Variants in RO60 observed in about 807,000 individuals in gnomAD.
RO60 encodes the protein RNA-binding protein RO60.
A neutral mutation model predicts 55.3 loss-of-function variants in RO60; 20 were observed. That is an observed-to-expected ratio of 0.36 (90% CI 0.25 to 0.53). RO60 has a LOEUF of 0.53. Among genes scored for constraint, RO60 ranks in the 20% least tolerant of loss-of-function variants. The pLI is 0.92. For missense variants in RO60, 558 were observed against 646.6 expected (o/e 0.86, Z 1.49); for synonymous variants, 213 against 213.6 (o/e 1.00, Z 0.02).
chr1:193,085,172 T>G lies in RO60; in HGVS notation c.*441T>G. On this transcript the variant is annotated 3_prime_UTR_variant, in exon 9 of 9. Transcript: ENST00000400968. ...TGAAATGCACTAGACCATATAACTG[T>G]GATGAAATATGAAACTCATCTGTAA... is the stretch of plus-strand genomic sequence containing the variant. 2 of 1,238,138 alleles carry G rather than the reference T, an allele frequency of 1.6e-6. No homozygotes were observed. Among genetic ancestry groups the G allele is most frequent in the Non-Finnish European group, 2.0e-6 (2 of 987,172 alleles). 76.7% of individuals were successfully genotyped at this position (1,238,138 alleles called of 1,614,324 possible).
intron 2 of RO60, chr1:193,070,542 T>G (rs1004313616): frequency 4.6e-6 from 2 of 431,144 alleles, no homozygotes; most frequent in African/African-American, 2.1e-5. Context: ...TTTTTTTTTT[T>G]TGCACCGGAA....
At position 193,084,785 on chromosome 1, in the gene RO60, A is replaced by G; in HGVS notation, c.*54A>G. The G allele has an allele frequency of 6.3e-7, 1 of 1,580,302 alleles. No homozygotes were observed. The highest frequency in any genetic ancestry group is 1.4e-5 in the African/African-American group (1 of 73,902). ...CATTGCCATCAGTGATCTCACTAAA[A>G]ATATACAGCTACTTCCCAGCTAATC... On this transcript the variant is annotated 3_prime_UTR_variant, in exon 9 of 9. Coordinates refer to ENST00000400968, the MANE Select transcript of RO60 (RefSeq NM_001173524.2).
Position 193,069,491 on chromosome 1 carries a change from G to A in RO60, c.437G>A (p.Arg146His), listed in dbSNP as rs1187516657. 1.2e-6 allele frequency: 2 copies of A among 1,614,158 alleles called. No homozygotes were observed. The highest frequency in any genetic ancestry group is 2.2e-5 in the East Asian group (1 of 44,880). ...KESMKCGMWG[R>H]ALRKAIADWY... ...AGCATGAAATGTGGCATGTGGGGTC[G>A]TGCCCTCCGGAAGGCTATAGCGGAC... The change falls in exon 2 of 9, where the codon CGT (arginine) becomes CAT (histidine). Residue 146 changes from arginine to histidine, a missense_variant. Coordinates refer to ENST00000400968, the MANE Select transcript of RO60 (RefSeq NM_001173524.2).
In RO60 at chr1:193,082,661, T is replaced by C. The variant is rs1303135733; in HGVS notation, c.1417T>C (p.Phe473Leu). The change falls in exon 8 of 9, where the codon TTT (phenylalanine) becomes CTT (leucine). Residue 473 changes from phenylalanine to leucine, a missense_variant. Transcript: ENST00000400968. ...CATTGTATTCACTGATAATGAGACC[T>C]TTGCTGGAGGTGTCCATCCTGCTAT... ...VFIVFTDNET[F>L]AGGVHPAIAL... 4 of 1,613,866 alleles carry C rather than the reference T, an allele frequency of 2.5e-6. No individual in the cohort carries two copies. The Admixed American group carries it at 5.0e-5, about 20-fold the overall frequency.
rs549404223 is a variant in RO60 at position 193,084,866 on chromosome 1, G to GA, written c.*147dup. On this transcript the variant is annotated 3_prime_UTR_variant, in exon 9 of 9. Coordinates refer to ENST00000400968, the MANE Select transcript of RO60 (RefSeq NM_001173524.2). ...GTGCATAATGGAAAGTTACCTTACT[G>GA]AAAAAAAAAAAAGAAGGAAAAATAA... 41,169 of 877,468 alleles carry GA rather than the reference G, an allele frequency of 0.047. No homozygotes were observed. Among genetic ancestry groups the GA allele is most frequent in the South Asian group, 0.072 (3,384 of 46,872 alleles). The allele number at this position is 877,468 out of a possible 1,614,324, so 54.4% of individuals were successfully genotyped here. A position where few individuals can be genotyped will look rare whatever the true frequency, so the allele number is the denominator to read the frequency against.
At chr1:193,064,086 C>T (rs1214267268) in intron 1 of RO60, among the ~76,000 whole-genome samples, 25 of 151,946 alleles carry the variant, frequency 1.6e-4, no homozygotes, top group Non-Finnish European at 5.9e-5. Flanking sequence ...AACTTCCATG[C>T]CCATCCTTGT....
At chr1:193,064,902 G>A (rs1210760881) in intron 1 of RO60, among the ~76,000 whole-genome samples, 1 of 152,118 alleles carries the variant, frequency 6.6e-6, no homozygotes, top group African/African-American at 2.4e-5. Context: ...AGAAGTACCT[G>A]AATACCTAAT....
intron 7 of RO60, 97 bp downstream of exon 7, chr1:193,082,396 C>A: frequency 7.4e-7 from 1 of 1,347,120 alleles, no homozygotes; most frequent in Non-Finnish European, 1.0e-6. Context: ...TCTGTGAGAA[C>A]AAAATTTTTT....
intron 2 of RO60, 91 bp from the exon 3 acceptor site, chr1:193,075,729 A>G: frequency 1.1e-6 from 1 of 927,708 alleles, no homozygotes; most frequent in Non-Finnish European, 1.7e-6. Flanking sequence ...GTATCCAGTT[A>G]TGTTGATCAT....
chr1:193,084,530 A>G (rs774196940), intron 8 of RO60, 49 bp from the exon 9 acceptor site: 2 of 1,541,908 alleles, frequency 1.3e-6, no homozygotes, highest in Non-Finnish European at 1.8e-6. Context: ...GGTATTTTGC[A>G]TTTCCTTACA....
rs1674824722 is a variant in RO60, at chr1:193,090,743, C to A, written c.*6012C>A. 1.3e-5 allele frequency: 2 copies of A among 151,852 alleles called. No homozygotes were observed. Among genetic ancestry groups the A allele is most frequent in the Admixed American group, 6.6e-5 (1 of 15,238 alleles). The allele number at this position is 151,852 out of a possible 1,614,324, so 9.4% of individuals were successfully genotyped here. On this transcript the variant is annotated 3_prime_UTR_variant, in exon 9 of 9. Coordinates refer to ENST00000400968, the MANE Select transcript of RO60 (RefSeq NM_001173524.2). ...AAGAGCCTTAAAGTGAAAAAATGAA[C>A]CTTTTGACTGCCTTAAAATACTACT...
Position 193,085,122 on chromosome 1 carries a change from C to T in RO60, c.*391C>T. ...CTTAAATGTTTTCATTGGGAAAGGA[C>T]AGCTTTGATAATGTCCAAATACTCT... On this transcript the variant is annotated 3_prime_UTR_variant, in exon 9 of 9. Coordinates refer to ENST00000400968, the MANE Select transcript of RO60 (RefSeq NM_001173524.2). The T allele has an allele frequency of 2.1e-6, 3 of 1,427,176 alleles. No homozygotes were observed. Among genetic ancestry groups the T allele is most frequent in the Non-Finnish European group, 2.7e-6 (3 of 1,092,084 alleles). 88.4% of individuals were successfully genotyped at this position (1,427,176 alleles called of 1,614,324 possible).
chr1:193,067,217 G>A (rs555419722), intron 1 of RO60, among the ~76,000 whole-genome samples: 4 of 129,176 alleles, frequency 3.1e-5, no homozygotes, highest in East Asian at 2.1e-4. Flanking sequence ...ACAGAGTCTC[G>A]CTCTGTCCCC....
chr1:193,060,604 AT>A (rs1672530890), intron 1 of RO60, among the ~76,000 whole-genome samples: 2 of 152,166 alleles, frequency 1.3e-5, no homozygotes, highest in Non-Finnish European at 2.9e-5. Context: ...TGTGCTACAG[AT>A]TATGTGAAGC....
chr1:193,068,218 A>AAGC (rs1673249325), intron 1 of RO60, among the ~76,000 whole-genome samples: 1 of 152,198 alleles, frequency 6.6e-6, no homozygotes, highest in Non-Finnish European at 1.5e-5. Flanking sequence ...GGCCTGGGTC[A>AAGC]AGCAGCAGCA....
At chr1:193,081,865 C>A (rs954599622) in intron 6 of RO60, among the ~76,000 whole-genome samples, 9 of 152,022 alleles carry the variant, frequency 5.9e-5, no homozygotes, top group Non-Finnish European at 1.3e-4. Flanking sequence ...TGTCTAGAGA[C>A]TTTAGTTCTA....
chr1:193,077,333 C>T (rs1171505225), intron 5 of RO60, among the ~76,000 whole-genome samples: 1 of 152,050 alleles, frequency 6.6e-6, no homozygotes, highest in Non-Finnish European at 1.5e-5. Context: ...TAAAGAAATA[C>T]CTGAGACTGA....
At chr1:193,077,763 C>T (rs1330898046) in intron 5 of RO60, among the ~76,000 whole-genome samples, 3 of 152,260 alleles carry the variant, frequency 2.0e-5, no homozygotes, top group Middle Eastern at 3.4e-3. Context: ...ATGATCCAGT[C>T]ACCTCCCAGA....
intron 1 of RO60, among the ~76,000 whole-genome samples, chr1:193,062,116 G>T (rs1230886799): frequency 6.6e-6 from 1 of 152,052 alleles, no homozygotes; most frequent in Admixed American, 6.5e-5. Flanking sequence ...AGATAGATAG[G>T]TCAGGCCCAT....
Sources: allele counts gnomAD v4.1 joint callset (sites outside exome capture counted in the v4.1 genomes callset), GRCh38; gene constraint gnomAD v4.1.1; transcripts MANE v1.5; gene names NCBI Gene and HGNC (gene_info 2026-07-23, HGNC 2026-07-21).